The following NFIB variants were observed in gnomAD, a reference collection of about 807,000 sequenced individuals.
The protein encoded by NFIB is nuclear factor 1 B-type.
NFIB carries 11 observed loss-of-function variants against 61.5 expected under a neutral mutation model. The ratio of observed to expected loss-of-function variants is 0.18; its 90% CI spans 0.11 to 0.30. NFIB has a LOEUF of 0.30. Among genes scored for constraint, NFIB ranks in the 10% least tolerant of loss-of-function variants. The probability of loss-of-function intolerance (pLI) is 1.00; values close to 1 mark genes in which losing one functional copy is unlikely to be tolerated. For synonymous variants in NFIB, 260 were observed against 216.5 expected, an observed-to-expected ratio of 1.20 and a Z score of -1.76; for missense variants, 471 against 608.9, an observed-to-expected ratio of 0.77 and a Z score of 2.38.
intron 1 of NFIB, among the ~76,000 whole-genome samples, chr9:14,366,388 A>C (rs1280300257): frequency 6.6e-6 from 1 of 152,206 alleles, no homozygotes; most frequent in Admixed American, 6.5e-5. Flanking sequence ...GATTTATTAG[A>C]CAGTCCTGCT....
In NFIB at chr9:14,307,371, C is replaced by G; in HGVS notation, c.180G>C (p.Glu60Asp). The change falls in exon 2 of 11, where the codon GAG becomes GAC. Residue 60 changes from glutamate (E) to aspartate (D), a missense_variant. Physicochemically the swap from Glu to Asp is conservative, Grantham distance 45. This residue lies in a region of NFIB where 99 missense variants were observed against 213.3 expected (regional missense o/e 0.46). Coordinates refer to ENST00000380953, the MANE Select transcript of NFIB (RefSeq NM_001190737.2). The surrounding 1 kb of genome is among the most constrained non-coding windows in gnomAD (Gnocchi z 5.3). ...TGATTTCAGGCTTTTCACTGAGAAG[C>G]TCATCTTTGACTGCTCTTTCTTCAT... Reference protein sequence around the residue: ...SKDEERAVKDELLSEKPEIKQ... With the variant: ...SKDEERAVKDDLLSEKPEIKQ... The G allele has an allele frequency of 6.2e-7, 1 of 1,614,056 alleles. No homozygotes were observed. The highest frequency in any genetic ancestry group is 8.5e-7 in the Non-Finnish European group (1 of 1,180,012).
At chr9:14,470,038 C>T in the NFIB span, among the ~76,000 whole-genome samples, 1 of 152,192 alleles carries the variant, frequency 6.6e-6, no homozygotes, top group East Asian at 1.9e-4. Flanking sequence ...GGTACTAAAG[C>T]AGTGAAGGGA....
the NFIB span, among the ~76,000 whole-genome samples, chr9:14,470,485 C>A: frequency 6.6e-6 from 1 of 152,120 alleles, no homozygotes; most frequent in Non-Finnish European, 1.5e-5. Flanking sequence ...GTCCTATCTA[C>A]CTTTTACCCT....
chr9:14,293,780 T>C (rs1317695303), intron 2 of NFIB, among the ~76,000 whole-genome samples: 2 of 152,196 alleles, frequency 1.3e-5, no homozygotes, highest in Non-Finnish European at 2.9e-5. Context: ...TGAAAAACTG[T>C]TTCCGTTTCA....
intron 2 of NFIB, among the ~76,000 whole-genome samples, chr9:14,285,633 G>C (rs936752211): frequency 1.3e-5 from 2 of 152,176 alleles, no homozygotes; most frequent in African/African-American, 4.8e-5. Flanking sequence ...CTTGCCCTCA[G>C]AGTTCTCATT....
chr9:14,163,449 G>A (rs894621570), intron 3 of NFIB, among the ~76,000 whole-genome samples: 1 of 151,774 alleles, frequency 6.6e-6, no homozygotes, highest in Non-Finnish European at 1.5e-5. Flanking sequence ...TAAATAAATG[G>A]GTAGGCAAAG....
chr9:14,293,025 G>T (rs551975008), intron 2 of NFIB, among the ~76,000 whole-genome samples: 25 of 152,260 alleles, frequency 1.6e-4, no homozygotes, highest in African/African-American at 6.0e-4. Context: ...TTAAATAACA[G>T]AATTCTAAAT....
At chr9:14,300,610 T>C (rs2059697791) in intron 2 of NFIB, among the ~76,000 whole-genome samples, 1 of 152,234 alleles carries the variant, frequency 6.6e-6, no homozygotes, top group South Asian at 2.1e-4. Flanking sequence ...CTTTGCAAAC[T>C]TGGAGCTTCA....
chr9:14,344,754 A>G (rs1369427690), intron 1 of NFIB, among the ~76,000 whole-genome samples: 1 of 148,196 alleles, frequency 6.7e-6, no homozygotes, highest in Admixed American at 6.6e-5. Flanking sequence ...AGGGTAAAGA[A>G]AGGAAAGACA....
chr9:14,472,056 T>A, the NFIB span, among the ~76,000 whole-genome samples: 5 of 152,204 alleles, frequency 3.3e-5, no homozygotes, highest in African/African-American at 1.2e-4. Flanking sequence ...TTTTCACACA[T>A]GTAGAAATAG....
chr9:14,257,762 GA>G (rs1385905904), intron 2 of NFIB, among the ~76,000 whole-genome samples: 1 of 150,994 alleles, frequency 6.6e-6, no homozygotes, highest in Non-Finnish European at 1.5e-5. Flanking sequence ...TCTCAAAAAA[GA>G]AAAAAAACGA....
intron 2 of NFIB, among the ~76,000 whole-genome samples, chr9:14,285,265 G>A (rs1274795383): frequency 6.6e-6 from 1 of 152,090 alleles, no homozygotes; most frequent in African/African-American, 2.4e-5. Context: ...TGGGATTATA[G>A]GTGCACACCA....
chr9:14,131,506 G>T (rs2040400684), intron 6 of NFIB, among the ~76,000 whole-genome samples: 1 of 152,194 alleles, frequency 6.6e-6, no homozygotes, highest in Non-Finnish European at 1.5e-5. Flanking sequence ...TACAAAGGAA[G>T]AGAGTCGCTG....
At chr9:14,270,176 T>C (rs892626167) in intron 2 of NFIB, among the ~76,000 whole-genome samples, 13 of 152,158 alleles carry the variant, frequency 8.5e-5, no homozygotes, top group Non-Finnish European at 1.9e-4. Flanking sequence ...TCTGTCTGAA[T>C]AAGGGAAAAC....
intron 10 of NFIB, among the ~76,000 whole-genome samples, chr9:14,088,854 G>GA (rs1197520015): frequency 2.0e-5 from 3 of 151,620 alleles, no homozygotes; most frequent in African/African-American, 4.8e-5. Flanking sequence ...CTTACAACAG[G>GA]AAAAAAAACT....
chr9:14,501,663 G>C, the NFIB span, among the ~76,000 whole-genome samples: 1 of 152,144 alleles, frequency 6.6e-6, no homozygotes, highest in Non-Finnish European at 1.5e-5. Context: ...TTCTACACAG[G>C]GATGTTGGAC....
At chr9:14,193,694 A>G (rs1045507320) in intron 2 of NFIB, among the ~76,000 whole-genome samples, 3 of 152,250 alleles carry the variant, frequency 2.0e-5, no homozygotes, top group Admixed American at 6.5e-5. Flanking sequence ...ATTTATGTTC[A>G]TACGCACAGG....
intron 2 of NFIB, among the ~76,000 whole-genome samples, chr9:14,181,576 T>C (rs763482428): frequency 6.6e-6 from 1 of 152,256 alleles, no homozygotes; most frequent in Non-Finnish European, 1.5e-5. Flanking sequence ...GCCTGGAGTA[T>C]GATAGCTACA....
chr9:14,147,309 C>T (rs1387706289), intron 5 of NFIB, among the ~76,000 whole-genome samples: 1 of 152,006 alleles, frequency 6.6e-6, no homozygotes, highest in African/African-American at 2.4e-5. Context: ...ATAGTAAGCT[C>T]CTTAACTTAT....
Sources: gnomAD v4.1 joint callset for allele counts (sites outside exome capture counted in the v4.1 genomes callset) on GRCh38, gnomAD v4.1.1 for gene constraint, gnomAD v4.1.1 regional missense constraint, Gnocchi (gnomAD v3.1) non-coding constraint, MANE v1.5 for transcripts, NCBI Gene and HGNC (gene_info 2026-07-23, HGNC 2026-07-21) for gene names.